Variants in DSP observed in about 807,000 individuals in gnomAD.
DSP encodes the protein 250/210 kDa paraneoplastic pemphigus antigen.
In DSP, 114 loss-of-function variants were observed where a neutral mutation model predicts 290.6. The observed-to-expected ratio is 0.39, with a 90% confidence interval of 0.34 to 0.46. The LOEUF is 0.46. DSP is among the 20% of genes least tolerant of loss of function. The pLI, the probability that DSP is intolerant of heterozygous loss-of-function variation, is 0.99. For missense variants in DSP, 3,230 were observed against 3,495.8 expected (o/e 0.92, Z 1.92); for synonymous variants, 1,311 against 1,316.4 (o/e 1.00, Z 0.09).
intron 1 of DSP, among the ~76,000 whole-genome samples, chr6:7,549,347 C>T (rs1284583983): frequency 6.6e-6 from 1 of 152,120 alleles, no homozygotes; most frequent in African/African-American, 2.4e-5. Flanking sequence ...CGGGGTTTCT[C>T]CATGTTGGTC....
intron 1 of DSP, among the ~76,000 whole-genome samples, chr6:7,544,491 C>CT (rs386406062): frequency 0.013 from 1,846 of 142,768 alleles, 20 homozygotes; most frequent in East Asian, 0.028. Context: ...TTCTTTCTTT[C>CT]TTTTTTTTTT....
chr6:7,553,592 A>G (rs571435570), intron 1 of DSP, among the ~76,000 whole-genome samples: 6 of 152,152 alleles, frequency 3.9e-5, no homozygotes, highest in Non-Finnish European at 7.3e-5. Flanking sequence ...CCTCTGTTTG[A>G]TAACAGGTAC....
chr6:7,573,530 A>T (rs1463142870), intron 15 of DSP, among the ~76,000 whole-genome samples: 1 of 151,886 alleles, frequency 6.6e-6, no homozygotes, highest in Non-Finnish European at 1.5e-5. Context: ...GTGAGCTGAG[A>T]TCACGCCATT....
rs1233981969 is a variant in DSP at position 7,562,718 on chromosome 6, C to T, written c.664C>T (p.Arg222Trp). ...AGTGGAGCAGCACATTAACAGCCAC[C>T]GGGGCATCCACAACTCCATCGGCGA... is the stretch of plus-strand genomic sequence containing the variant. ...ASVEQHINSHRGIHNSIGDYR... is the reference protein window; with the variant it reads ...ASVEQHINSHWGIHNSIGDYR... Residue 222 changes from arginine (R) to tryptophan (W), a missense_variant, in exon 5 of 24, where the codon CGG becomes TGG. By Grantham distance (101) the Arg-to-Trp change is moderately radical. This residue lies in a region of DSP where 646 missense variants were observed against 684.3 expected (regional missense o/e 0.94). Coordinates refer to ENST00000379802, the MANE Select transcript of DSP (RefSeq NM_004415.4). 1.1e-5 allele frequency: 18 copies of T among 1,613,966 alleles called. No individual in the cohort carries two copies. The highest frequency in any genetic ancestry group is 8.8e-5 in the South Asian group (8 of 91,068).
chr6:7,553,786 C>G (rs1349130819), intron 1 of DSP, among the ~76,000 whole-genome samples: 2 of 152,192 alleles, frequency 1.3e-5, no homozygotes, highest in Non-Finnish European at 2.9e-5. Flanking sequence ...CTGGATGGCT[C>G]TGGCACCACC....
chr6:7,543,004 C>A (rs986152595), intron 1 of DSP, among the ~76,000 whole-genome samples: 1 of 152,018 alleles, frequency 6.6e-6, no homozygotes, highest in Non-Finnish European at 1.5e-5. Flanking sequence ...GAAGACCCCC[C>A]GGTGAGAGGG....
chr6:7,556,312 T>G (rs1304645689), intron 2 of DSP, among the ~76,000 whole-genome samples: 1 of 152,222 alleles, frequency 6.6e-6, no homozygotes, highest in African/African-American at 2.4e-5. Flanking sequence ...GTAACATTTC[T>G]GAGAACCTTG....
In DSP at chr6:7,575,275, T is replaced by G. The variant is rs778134276; in HGVS notation, c.2437-20T>G. On this transcript the variant is annotated intron_variant, in intron 17 of 23. Coordinates refer to ENST00000379802, the MANE Select transcript of DSP (RefSeq NM_004415.4). The stretch of plus-strand genomic sequence containing the variant: ...GGGAGAAGGGATTAATTTGCAATCT[T>G]TTTTTTTTTCATCTTGCAGAAAATA... The G allele has an allele frequency of 9.6e-5, 150 of 1,566,144 alleles. No homozygotes were observed. The highest frequency in any genetic ancestry group is 1.3e-4 in the Non-Finnish European group (144 of 1,145,738).
chr6:7,577,744 G>A, intron 20 of DSP, 35 bp from the exon 21 acceptor site: 8 of 1,526,468 alleles, frequency 5.2e-6, no homozygotes, highest in Non-Finnish European at 7.3e-6. Flanking sequence ...TTAAGTCTAT[G>A]AAGGACACTT....
At chr6:7,561,572 C>A (rs1758694281) in intron 4 of DSP, among the ~76,000 whole-genome samples, 1 of 152,124 alleles carries the variant, frequency 6.6e-6, no homozygotes, top group African/African-American at 2.4e-5. Context: ...ATACGATACA[C>A]CTGGCTGGTA....
rs1757989373 is a variant in DSP, at chr6:7,541,928, G to A, written c.13G>A (p.Gly5Arg). The A allele has an allele frequency of 1.2e-6, 2 of 1,609,646 alleles. No homozygotes were observed. Among genetic ancestry groups the A allele is most frequent in the African/African-American group, 2.7e-5 (2 of 74,718 alleles). ...ATTGCCCGCCGACATGAGCTGCAAC[G>A]GAGGCTCCCACCCGCGGATCAACAC... MSCN[G>R]GSHPRINTLG... The change falls in exon 1 of 24, where the codon GGA (glycine) becomes AGA (arginine). Residue 5 changes from glycine (G) to arginine (R), a missense_variant. Coordinates refer to ENST00000379802, the MANE Select transcript of DSP (RefSeq NM_004415.4).
rs768858918 is a variant in DSP at position 7,577,886 on chromosome 6, G to A, written c.2985G>A (p.Glu995=). Residue 995 remains glutamate (E), a splice_region_variant and synonymous_variant, in exon 21 of 24, where the codon GAG becomes GAA. Transcript: ENST00000379802. The part of the protein sequence containing the change: ...IQSPSGVILQ[E]AADVHARYIE... ...CCCCTTCTGGGGTGATTCTGCAAGA[G>A]GTATATATGTCATCACATATCTCTT... is the stretch of plus-strand genomic sequence containing the variant. 5.6e-6 allele frequency: 9 copies of A among 1,611,532 alleles called. No homozygotes were observed. The African/African-American group carries it at 6.7e-5, about 12-fold the overall frequency.
At chr6:7,569,389 G>A in intron 12 of DSP, 49 bp downstream of exon 12, 1 of 1,613,780 alleles carries the variant, frequency 6.2e-7, no homozygotes, top group Non-Finnish European at 8.5e-7. Flanking sequence ...TGAATGTGAG[G>A]GCAGAGGAAG....
chr6:7,579,956 C>T lies in DSP; in HGVS notation c.3766C>T (p.Leu1256Phe), dbSNP rs775080202. ...NRDLKDEIVR[L>F]NDSILQATEQ... The stretch of plus-strand genomic sequence containing the variant: ...AGATCTGAAGGATGAAATTGTCAGG[C>T]TCAATGACAGCATCTTGCAGGCCAC... Residue 1256 changes from leucine to phenylalanine, a missense_variant, in exon 23 of 24, where the codon CTC (leucine) becomes TTC (phenylalanine). Physicochemically the swap from Leu to Phe is conservative, Grantham distance 22. Around this residue, in one of 5 missense-constraint regions of DSP, gnomAD observed 1,714 missense variants for 1,844.5 expected, o/e 0.93. Coordinates refer to ENST00000379802, the MANE Select transcript of DSP (RefSeq NM_004415.4). This position sits in a 1 kb window ranked among gnomAD's most constrained non-coding sequence, Gnocchi z 4.1. 21 of 1,614,008 alleles carry T rather than the reference C, an allele frequency of 1.3e-5. No individual in the cohort carries two copies. Among genetic ancestry groups the T allele is most frequent in the Non-Finnish European group, 1.5e-5 (18 of 1,180,044 alleles).
At position 7,579,248 on chromosome 6, in the gene DSP, G is replaced by A. The variant is rs773467311; in HGVS notation, c.3085-27G>A. 1 of 1,612,862 alleles carries A rather than the reference G, an allele frequency of 6.2e-7. No individual in the cohort carries two copies. Among genetic ancestry groups the A allele is most frequent in the African/African-American group, 1.3e-5 (1 of 75,016 alleles). ...TTGGAATGTGAGGTGTTTTTCTTTTGACATAATCTCTGATTTCATTCCACA... is the reference window on the plus strand; with the variant it reads ...TTGGAATGTGAGGTGTTTTTCTTTTAACATAATCTCTGATTTCATTCCACA... On this transcript the variant is annotated intron_variant, in intron 22 of 23. Transcript: ENST00000379802. The surrounding 1 kb of genome is among the most constrained non-coding windows in gnomAD (Gnocchi z 4.1).
At position 7,558,105 on chromosome 6, in the gene DSP, T is replaced by C; in HGVS notation, c.274-11T>C. The C allele has an allele frequency of 6.2e-7, 1 of 1,614,240 alleles. No homozygotes were observed. Among genetic ancestry groups the C allele is most frequent in the Non-Finnish European group, 8.5e-7 (1 of 1,180,034 alleles). On this transcript the variant is annotated splice_polypyrimidine_tract_variant and intron_variant, in intron 2 of 23. Coordinates refer to ENST00000379802, the MANE Select transcript of DSP (RefSeq NM_004415.4). Reference sequence around the variant, plus strand: ...GTATGTGTTTTCCTTCATGTGAGTGTTTTCTTTCAGGAATTGAAGTATGGA... The same window carrying C: ...GTATGTGTTTTCCTTCATGTGAGTGCTTTCTTTCAGGAATTGAAGTATGGA...
At chr6:7,559,486 A>C (rs985378760) in intron 4 of DSP, 86 bp downstream of exon 4, 6 of 1,561,694 alleles carry the variant, frequency 3.8e-6, no homozygotes, top group Non-Finnish European at 5.3e-6. Flanking sequence ...TGTGACAAAG[A>C]GTCTTCTAGA....
rs1259629546 is a variant in DSP, at chr6:7,574,559, T to C, written c.2298-98T>C. On this transcript the variant is annotated intron_variant, in intron 16 of 23. Transcript: ENST00000379802. Reference sequence around the variant, plus strand: ...ACAGACAAAATAAATTTTTATCTGCTTTGACGTTGTTCCCTTTCATTACTA... The same window carrying C: ...ACAGACAAAATAAATTTTTATCTGCCTTGACGTTGTTCCCTTTCATTACTA... 3.9e-6 allele frequency: 6 copies of C among 1,548,314 alleles called. No individual in the cohort carries two copies. In the Admixed American group the frequency reaches 1.0e-4, roughly 26 times the overall value.
intron 3 of DSP, among the ~76,000 whole-genome samples, chr6:7,559,022 C>T (rs537416912): frequency 6.6e-6 from 1 of 152,184 alleles, no homozygotes; most frequent in South Asian, 2.1e-4. Context: ...TGCTGTTACG[C>T]ACTTTGAACC....
Sources: allele counts gnomAD v4.1 joint callset (sites outside exome capture counted in the v4.1 genomes callset), GRCh38; gene constraint gnomAD v4.1.1; regional missense constraint gnomAD v4.1.1; non-coding constraint Gnocchi (gnomAD v3.1); transcripts MANE v1.5; gene names NCBI Gene and HGNC (gene_info 2026-07-23, HGNC 2026-07-21).